The following NHSL1 variants were observed in gnomAD, a reference collection of about 807,000 sequenced individuals.
NHSL1 encodes NHS like 1.
Under a neutral mutation model 95.0 loss-of-function variants are expected in NHSL1, and 48 were observed. That is an observed-to-expected ratio of 0.51 (90% CI 0.40 to 0.64). The LOEUF (loss-of-function observed/expected upper bound fraction) is 0.64. Ranked by LOEUF, NHSL1 falls within the 30% of genes least tolerant of loss-of-function variation. The pLI is 0.00. For synonymous variants in NHSL1, 783 were observed against 833.9 expected (o/e 0.94, Z 1.05); for missense variants, 1,971 against 2,077.7 (o/e 0.95, Z 1.00).
upstream of NHSL1, among the ~76,000 whole-genome samples, chr6:138,500,804 C>T (rs1366072803): frequency 6.6e-6 from 1 of 151,894 alleles, no homozygotes; most frequent in East Asian, 1.9e-4. Context: ...ATTTTTTCAA[C>T]AACAACAAAA....
chr6:138,472,182 C>A (rs1310300748), intron 3 of NHSL1, among the ~76,000 whole-genome samples: 7 of 88,430 alleles, frequency 7.9e-5, no homozygotes, highest in Admixed American at 1.4e-4. Flanking sequence ...CAAGATCTCA[C>A]CAAAAAAAAA....
chr6:138,623,140 C>T (rs1562394813), intron 1 of NHSL1, among the ~76,000 whole-genome samples: 1 of 152,112 alleles, frequency 6.6e-6, no homozygotes, highest in African/African-American at 2.4e-5. Flanking sequence ...GCATTAATGA[C>T]GTGGATCTGA....
At chr6:138,552,699 C>A (rs1200463114) in intron 1 of NHSL1, among the ~76,000 whole-genome samples, 1 of 152,052 alleles carries the variant, frequency 6.6e-6, no homozygotes, top group Non-Finnish European at 1.5e-5. Flanking sequence ...CCAAGTTGAC[C>A]TGGGCTCTTG....
intron 1 of NHSL1, among the ~76,000 whole-genome samples, chr6:138,562,378 C>T (rs1583413490): frequency 6.6e-6 from 1 of 152,230 alleles, no homozygotes; most frequent in East Asian, 1.9e-4. Flanking sequence ...CAGGTGTGAT[C>T]GCTCATGCCT....
chr6:138,563,748 T>C (rs114806790), intron 1 of NHSL1, among the ~76,000 whole-genome samples: 1 of 152,084 alleles, frequency 6.6e-6, no homozygotes. Flanking sequence ...GGAAGCAGCA[T>C]GTATAGGGCT....
intron 3 of NHSL1, among the ~76,000 whole-genome samples, chr6:138,453,963 G>C (rs1459964054): frequency 6.6e-6 from 1 of 151,364 alleles, no homozygotes; most frequent in Non-Finnish European, 1.5e-5. Flanking sequence ...GAACATATAT[G>C]TTTAAACTGA....
chr6:138,509,395 C>T (rs1189178120), intron 1 of NHSL1, among the ~76,000 whole-genome samples: 3 of 152,248 alleles, frequency 2.0e-5, no homozygotes, highest in Non-Finnish European at 2.9e-5. Context: ...TGAGCTCCCT[C>T]GTATTTTTAA....
intron 1 of NHSL1, among the ~76,000 whole-genome samples, chr6:138,674,660 T>C (rs1785425157): frequency 1.3e-5 from 2 of 152,232 alleles, no homozygotes; most frequent in Non-Finnish European, 2.9e-5. Context: ...TGTTCCTTTT[T>C]ATGGCTGCAT....
In NHSL1 at chr6:138,550,747, T is replaced by C. The variant is rs534993814; in HGVS notation, c.202+20963A>G. Among the ~76,000 whole-genome samples, 17 of 152,334 alleles carry C rather than the reference T, an allele frequency of 1.1e-4. No individual in the cohort carries two copies. The East Asian group carries it at 2.7e-3, about 24-fold the overall frequency. On this transcript the variant is annotated intron_variant, in intron 1 of 6. Coordinates refer to the NHSL1 transcript ENST00000427025. ...ATAAATTAGAAATTAGTTTGCATAA[T>C]ACACAGAATTAGTGCGTCTAGATCA...
intron 1 of NHSL1, among the ~76,000 whole-genome samples, chr6:138,615,193 G>A (rs951401279): frequency 9.9e-5 from 15 of 152,166 alleles, no homozygotes; most frequent in African/African-American, 3.6e-4. Flanking sequence ...TGTCTCTCCA[G>A]CCAGGAGAGC....
Position 138,431,136 on chromosome 6 carries a change from G to A in NHSL1, c.3209C>T (p.Thr1070Met), listed in dbSNP as rs1371062061. ...CAACTGCACCATCTGCAATGCTTCC[G>A]TGGTTATCAGGGGCATGGGGGGCCT... is the stretch of plus-strand genomic sequence containing the variant. ...TSRPPMPLIT[T>M]EALQMVQLRP... Residue 1070 changes from threonine (T) to methionine (M), a missense_variant, in exon 6 of 8, where the codon ACG (threonine) becomes ATG (methionine). Thr to Met is a moderately conservative substitution (Grantham distance 81). This residue lies in a region of NHSL1 where 1,602 missense variants were observed against 1,654.5 expected (regional missense o/e 0.97). Transcript: ENST00000343505. This position sits in a 1 kb window ranked among gnomAD's most constrained non-coding sequence, Gnocchi z 4.0. 1.2e-5 allele frequency: 19 copies of A among 1,551,762 alleles called. No homozygotes were observed. The highest frequency in any genetic ancestry group is 7.8e-5 in the Admixed American group (4 of 51,008).
upstream of NHSL1, among the ~76,000 whole-genome samples, chr6:138,573,159 C>G (rs879067588): frequency 6.6e-6 from 1 of 152,146 alleles, no homozygotes; most frequent in Admixed American, 6.5e-5. Flanking sequence ...CAGAGAGCTA[C>G]GCTAGTGGCA....
chr6:138,663,901 C>A (rs1457028995), intron 1 of NHSL1, among the ~76,000 whole-genome samples: 1 of 152,104 alleles, frequency 6.6e-6, no homozygotes, highest in Non-Finnish European at 1.5e-5. Flanking sequence ...GGAAAATCTA[C>A]ACAAAACATG....
chr6:138,580,401 A>C (rs1200827087), intron 1 of NHSL1, among the ~76,000 whole-genome samples: 1 of 152,208 alleles, frequency 6.6e-6, no homozygotes, highest in Non-Finnish European at 1.5e-5. Flanking sequence ...GGGCTTGAGT[A>C]ATTTCTTCGG....
chr6:138,474,159 G>C (rs1425654352), intron 2 of NHSL1, among the ~76,000 whole-genome samples: 3 of 152,150 alleles, frequency 2.0e-5, no homozygotes, highest in Non-Finnish European at 4.4e-5. Flanking sequence ...CATGGGTGGG[G>C]GCCGGTGCTG....
At chr6:138,546,737 G>A (rs75913058), upstream of NHSL1, among the ~76,000 whole-genome samples, 4,346 of 152,292 alleles carry the variant, frequency 0.029, 83 homozygotes, top group South Asian at 0.051. Context: ...ATTAGAGTAC[G>A]AGAATTTCTA....
At chr6:138,652,394 C>G (rs541528285) in intron 1 of NHSL1, among the ~76,000 whole-genome samples, 1 of 149,130 alleles carries the variant, frequency 6.7e-6, no homozygotes, top group South Asian at 2.1e-4. Context: ...GAGCTGAGAT[C>G]GCGCCATTAC....
chr6:138,640,432 C>T (rs1481493055), intron 1 of NHSL1, among the ~76,000 whole-genome samples: 2 of 152,142 alleles, frequency 1.3e-5, no homozygotes, highest in African/African-American at 2.4e-5. Context: ...CATGGGCCCA[C>T]ATACATGCAG....
Position 138,645,376 on chromosome 6 carries a change from C to T in NHSL1, c.96+47100G>A, listed in dbSNP as rs536560112. On this transcript the variant is annotated intron_variant, in intron 1 of 3. Transcript: ENST00000491526. ...AAAAGTCACCTTAATGAGGCCTACC[C>T]GGCCTACTGAAAATTGTAACCCTCT... Among the ~76,000 whole-genome samples, 6 of 152,268 alleles carry T rather than the reference C, an allele frequency of 3.9e-5. No individual in the cohort carries two copies. In the South Asian group the frequency reaches 1.2e-3, roughly 32 times the overall value.
Sources: gnomAD v4.1 joint callset for allele counts (sites outside exome capture counted in the v4.1 genomes callset) on GRCh38, gnomAD v4.1.1 for gene constraint, gnomAD v4.1.1 regional missense constraint, Gnocchi (gnomAD v3.1) non-coding constraint, MANE v1.5 for transcripts, NCBI Gene and HGNC (gene_info 2026-07-23, HGNC 2026-07-21) for gene names.